The following JAKMIP2 variants were observed in gnomAD, a reference collection of about 807,000 sequenced individuals.
JAKMIP2 encodes janus kinase and microtubule interacting protein 2.
In JAKMIP2, 25 loss-of-function variants were observed where a neutral mutation model predicts 115.0. The ratio of observed to expected loss-of-function variants is 0.22; its 90% CI spans 0.16 to 0.30. The LOEUF (loss-of-function observed/expected upper bound fraction) is 0.30. Among genes scored for constraint, JAKMIP2 ranks in the 10% least tolerant of loss-of-function variants. The pLI is 1.00. For missense variants in JAKMIP2, 642 were observed against 957.6 expected, an observed-to-expected ratio of 0.67 and a Z score of 4.35; for synonymous variants, 334 against 343.6, an observed-to-expected ratio of 0.97 and a Z score of 0.31.
At chr5:147,672,669 A>G (rs1759682309) in intron 1 of JAKMIP2, among the ~76,000 whole-genome samples, 1 of 152,232 alleles carries the variant, frequency 6.6e-6, no homozygotes, top group South Asian at 2.1e-4. Flanking sequence ...AGAAGTATAA[A>G]CAGTAAACTG....
At chr5:147,693,868 T>TC (rs1428336406) in intron 1 of JAKMIP2, among the ~76,000 whole-genome samples, 10 of 152,298 alleles carry the variant, frequency 6.6e-5, no homozygotes, top group African/African-American at 2.4e-4. Context: ...ATCAAATAAA[T>TC]AGAATTTCAT....
intron 1 of JAKMIP2, among the ~76,000 whole-genome samples, chr5:147,741,382 G>A (rs1428562979): frequency 6.6e-6 from 1 of 151,966 alleles, no homozygotes; most frequent in East Asian, 1.9e-4. Flanking sequence ...CAATCGTGTG[G>A]TATTTATTTA....
At chr5:147,675,551 T>C (rs1347634979) in intron 1 of JAKMIP2, among the ~76,000 whole-genome samples, 1 of 152,116 alleles carries the variant, frequency 6.6e-6, no homozygotes, top group African/African-American at 2.4e-5. Context: ...AATGTACAAT[T>C]CAGTGGTTTT....
At chr5:147,776,121 A>G (rs959958331) in intron 1 of JAKMIP2, among the ~76,000 whole-genome samples, 1 of 152,198 alleles carries the variant, frequency 6.6e-6, no homozygotes, top group African/African-American at 2.4e-5. Flanking sequence ...TTTGAAAACT[A>G]TGATATACAT....
At chr5:147,747,017 T>C (rs1024932406) in intron 1 of JAKMIP2, among the ~76,000 whole-genome samples, 6 of 152,228 alleles carry the variant, frequency 3.9e-5, no homozygotes, top group African/African-American at 1.2e-4. Context: ...AGAAAGCTGT[T>C]TGTATGTCCA....
chr5:147,701,006 A>T (rs1338250687), intron 1 of JAKMIP2, among the ~76,000 whole-genome samples: 1 of 152,138 alleles, frequency 6.6e-6, no homozygotes, highest in Non-Finnish European at 1.5e-5. Context: ...AATAAAGAAA[A>T]GTATGGGAGC....
chr5:147,716,073 G>A (rs9765209), intron 1 of JAKMIP2, among the ~76,000 whole-genome samples: 2 of 139,646 alleles, frequency 1.4e-5, no homozygotes, highest in Non-Finnish European at 3.0e-5. Context: ...CAATTCCCAC[G>A]TATGAGTGAG....
intron 1 of JAKMIP2, among the ~76,000 whole-genome samples, chr5:147,743,242 T>C (rs1035514446): frequency 6.6e-6 from 1 of 152,228 alleles, no homozygotes; most frequent in African/African-American, 2.4e-5. Flanking sequence ...GACAAACCAA[T>C]GATCACTCTC....
At chr5:147,755,586 G>A (rs1346579120) in intron 1 of JAKMIP2, among the ~76,000 whole-genome samples, 1 of 152,178 alleles carries the variant, frequency 6.6e-6, no homozygotes, top group Admixed American at 6.5e-5. Flanking sequence ...ATTCTTCCAA[G>A]TACCTCTGTA....
intron 1 of JAKMIP2, among the ~76,000 whole-genome samples, chr5:147,762,477 T>G (rs1754963213): frequency 6.6e-6 from 1 of 152,102 alleles, no homozygotes; most frequent in South Asian, 2.1e-4. Flanking sequence ...GCCAAAGTGT[T>G]GGAAGGTTTA....
chr5:147,600,405 G>C (rs1447749608), intron 21 of JAKMIP2, among the ~76,000 whole-genome samples: 1 of 152,038 alleles, frequency 6.6e-6, no homozygotes, highest in East Asian at 1.9e-4. Context: ...ACTTTTACTT[G>C]TCTGTTCCAT....
chr5:147,782,682 A>AGCAGCG lies in JAKMIP2; in HGVS notation c.-376_-375insCGCTGC, dbSNP rs1580922754. The AGCAGCG allele has an allele frequency of 1.5e-6, 1 of 657,126 alleles. No individual in the cohort carries two copies. Among genetic ancestry groups the AGCAGCG allele is most frequent in the East Asian group, 2.8e-5 (1 of 35,930 alleles). The allele number at this position is 657,126 out of a possible 1,614,324, so 40.7% of individuals were successfully genotyped here. A position where few individuals can be genotyped will look rare whatever the true frequency, so the allele number is the denominator to read the frequency against. On this transcript the variant is annotated 5_prime_UTR_variant, in exon 1 of 22. Transcript: ENST00000616793. ...CGGCGGCGGCAGCAGCAGCAGCAGCAGCATCACCAGTTGGGCCTCCTCCCT... is the reference window on the plus strand; with the variant it reads ...CGGCGGCGGCAGCAGCAGCAGCAGCAGCAGCGGCATCACCAGTTGGGCCTCCTCCCT...
chr5:147,637,101 T>C, intron 10 of JAKMIP2, 53 bp from the exon 11 acceptor site: 1 of 840,474 alleles, frequency 1.2e-6, no homozygotes, highest in Non-Finnish European at 2.1e-6. Flanking sequence ...ATTCAATACC[T>C]TTCTTGACTA....
intron 1 of JAKMIP2, among the ~76,000 whole-genome samples, chr5:147,716,403 C>A (rs1202006619): frequency 6.8e-6 from 1 of 147,302 alleles, no homozygotes; most frequent in Non-Finnish European, 1.5e-5. Context: ...AGTTCTAGAT[C>A]CCTGAGGAAT....
intron 10 of JAKMIP2, among the ~76,000 whole-genome samples, chr5:147,638,513 T>C (rs1174614162): frequency 6.6e-6 from 1 of 152,222 alleles, no homozygotes; most frequent in African/African-American, 2.4e-5. Context: ...TGCTTGCCTG[T>C]TCTAAATTGG....
At position 147,683,882 on chromosome 5, in the gene JAKMIP2, T is replaced by C. The variant is rs1015349355; in HGVS notation, c.-148-11928A>G. On this transcript the variant is annotated intron_variant, in intron 1 of 21. Transcript: ENST00000616793. ...TTGGATAAAATAGCTTTCGGATATATTACATAGTTCTATTATAAAGAATTG... is the reference window on the plus strand; with the variant it reads ...TTGGATAAAATAGCTTTCGGATATACTACATAGTTCTATTATAAAGAATTG... Among the ~76,000 whole-genome samples, 6 of 152,344 alleles carry C rather than the reference T, an allele frequency of 3.9e-5. No homozygotes were observed. In the East Asian group the frequency reaches 1.2e-3, roughly 29 times the overall value.
At chr5:147,706,069 T>C (rs1580810500) in intron 1 of JAKMIP2, among the ~76,000 whole-genome samples, 1 of 152,198 alleles carries the variant, frequency 6.6e-6, no homozygotes. Flanking sequence ...GCAATTATAG[T>C]ATTGCTTCAG....
intron 1 of JAKMIP2, among the ~76,000 whole-genome samples, chr5:147,703,004 C>T (rs1001527208): frequency 1.3e-5 from 2 of 151,734 alleles, no homozygotes; most frequent in Non-Finnish European, 2.9e-5. Flanking sequence ...AAGAAGATAC[C>T]CAGGGAAATG....
intron 1 of JAKMIP2, among the ~76,000 whole-genome samples, chr5:147,768,652 A>T (rs1755237910): frequency 6.6e-6 from 1 of 152,154 alleles, no homozygotes; most frequent in Non-Finnish European, 1.5e-5. Context: ...TATACTATCT[A>T]ATGGACAGCA....
Sources: allele counts gnomAD v4.1 joint callset (sites outside exome capture counted in the v4.1 genomes callset), GRCh38; gene constraint gnomAD v4.1.1; transcripts MANE v1.5; gene names NCBI Gene and HGNC (gene_info 2026-07-23, HGNC 2026-07-21).